PAX7: variants seen among roughly 807,000 people sequenced by gnomAD.
PAX7 encodes paired box 7.
PAX7 carries 18 observed loss-of-function variants against 50.7 expected under a neutral mutation model. The observed-to-expected ratio is 0.36, with a 90% CI of 0.25 to 0.53. The LOEUF (loss-of-function observed/expected upper bound fraction) is 0.53, where lower values mean the gene tolerates loss of function less well. PAX7 is among the 20% of genes least tolerant of loss of function. PAX7 has a pLI of 0.93. For synonymous variants in PAX7, 310 were observed against 290.4 expected (o/e 1.07, Z -0.69); for missense variants, 644 against 702.9 (o/e 0.92, Z 0.95).
chr1:18,688,269 C>T (rs918734541), intron 4 of PAX7, among the ~76,000 whole-genome samples: 2 of 152,112 alleles, frequency 1.3e-5, no homozygotes, highest in Admixed American at 6.5e-5. Context: ...AAACAAGGAA[C>T]GTTGTTAAAT....
chr1:18,634,970 G>A lies in PAX7; in HGVS notation c.322-141G>A, dbSNP rs539004358. On this transcript the variant is annotated intron_variant, in intron 2 of 8. Coordinates refer to ENST00000420770, the MANE Select transcript of PAX7 (RefSeq NM_001135254.2). This position sits in a 1 kb window ranked among gnomAD's most constrained non-coding sequence, Gnocchi z 4.0. ...GGAACCGGTTTCTTGAAAGGATAAAGCCAATCTCTTGGGGGATGGGGGGAC... is the reference window on the plus strand; with the variant it reads ...GGAACCGGTTTCTTGAAAGGATAAAACCAATCTCTTGGGGGATGGGGGGAC... 2 of 1,083,338 alleles carry A rather than the reference G, an allele frequency of 1.8e-6. No homozygotes were observed. Among genetic ancestry groups the A allele is most frequent in the Admixed American group, 2.8e-5 (1 of 35,416 alleles). 67.1% of individuals were successfully genotyped at this position (1,083,338 alleles called of 1,614,324 possible).
chr1:18,663,905 C>T (rs2088632737), intron 4 of PAX7, among the ~76,000 whole-genome samples: 1 of 152,254 alleles, frequency 6.6e-6, no homozygotes, highest in Admixed American at 6.5e-5. Context: ...CAGCCCATGC[C>T]AGATGGCTTC....
intron 7 of PAX7, among the ~76,000 whole-genome samples, chr1:18,714,972 T>TA (rs1468231552): frequency 2.6e-5 from 4 of 152,206 alleles, no homozygotes; most frequent in East Asian, 1.9e-4. Flanking sequence ...CAGGCAGACT[T>TA]AGAGTTTCTC....
intron 4 of PAX7, among the ~76,000 whole-genome samples, chr1:18,670,440 T>A (rs373777479): frequency 3.6e-4 from 55 of 152,178 alleles, no homozygotes; most frequent in African/African-American, 1.3e-3. Flanking sequence ...GTTCCCAAAG[T>A]CCTGAGTGCC....
At position 18,747,953 on chromosome 1, in the gene PAX7, A is replaced by G. The variant is rs1931516204; in HGVS notation, c.*3024A>G. ...TGGGTTCTTTCAATCTTGTTCCTTT[A>G]TTTTTTTCATTTGGTATTTCTCTCT... On this transcript the variant is annotated 3_prime_UTR_variant, in exon 9 of 9. Coordinates refer to ENST00000420770, the MANE Select transcript of PAX7 (RefSeq NM_001135254.2). 1 of 198,802 alleles carries G rather than the reference A, an allele frequency of 5.0e-6. No individual in the cohort carries two copies. The highest frequency in any genetic ancestry group is 2.3e-5 in the African/African-American group (1 of 43,258). 12.3% of individuals were successfully genotyped at this position (198,802 alleles called of 1,614,324 possible).
chr1:18,722,550 T>A (rs1252057482), intron 7 of PAX7, among the ~76,000 whole-genome samples: 2 of 152,028 alleles, frequency 1.3e-5, no homozygotes, highest in African/African-American at 4.8e-5. Flanking sequence ...CAAGAAGGTG[T>A]GGGACGCGGG....
chr1:18,691,805 T>C lies in PAX7; in HGVS notation c.638T>C (p.Leu213Pro). ...GTGGAGTCGGAACCTGACCTCCCAC[T>C]GAAGCGCAAGCAGCGACGCAGTCGG... ...SDVESEPDLP[L>P]KRKQRRSRTT... Residue 213 changes from leucine (L) to proline (P), a missense_variant, in exon 5 of 9, where the codon CTG becomes CCG. Leu to Pro is a moderately conservative substitution (Grantham distance 98). Coordinates refer to ENST00000420770, the MANE Select transcript of PAX7 (RefSeq NM_001135254.2). 3.1e-6 allele frequency: 5 copies of C among 1,609,214 alleles called. No individual in the cohort carries two copies. The highest frequency in any genetic ancestry group is 4.2e-6 in the Non-Finnish European group (5 of 1,178,066).
At chr1:18,698,522 G>T (rs1394476379) in intron 5 of PAX7, among the ~76,000 whole-genome samples, 1 of 152,178 alleles carries the variant, frequency 6.6e-6, no homozygotes, top group African/African-American at 2.4e-5. Flanking sequence ...TCATGTCCAG[G>T]TTATTGAATT....
chr1:18,645,479 A>T (rs1315814441), intron 4 of PAX7, among the ~76,000 whole-genome samples: 1 of 152,132 alleles, frequency 6.6e-6, no homozygotes, highest in Non-Finnish European at 1.5e-5. Flanking sequence ...ACCCTACAGA[A>T]CCTCACCCAA....
At chr1:18,730,532 C>T (rs570383740) in intron 7 of PAX7, among the ~76,000 whole-genome samples, 17 of 150,330 alleles carry the variant, frequency 1.1e-4, no homozygotes, top group Admixed American at 4.6e-4. Flanking sequence ...CACCCACCCA[C>T]CACAAACCCT....
chr1:18,684,570 G>C (rs2088947559), intron 4 of PAX7, among the ~76,000 whole-genome samples: 2 of 152,358 alleles, frequency 1.3e-5, no homozygotes, highest in Non-Finnish European at 2.9e-5. Context: ...GAGGGCCCTT[G>C]CCATGGTCCC....
chr1:18,706,499 T>C (rs1168052833), intron 7 of PAX7, among the ~76,000 whole-genome samples: 3 of 149,954 alleles, frequency 2.0e-5, no homozygotes, highest in African/African-American at 7.4e-5. Flanking sequence ...TCTAAGTCTG[T>C]TGCCCAGGCT....
chr1:18,725,310 C>CA (rs1444712540), intron 7 of PAX7, among the ~76,000 whole-genome samples: 1 of 45,278 alleles, frequency 2.2e-5, no homozygotes, highest in Non-Finnish European at 4.7e-5. Flanking sequence ...ACGCCCCCCC[C>CA]CCGCCCCACC....
In PAX7 at chr1:18,653,929, G is replaced by A. The variant is rs2088473703; in HGVS notation, c.586+17558G>A. On this transcript the variant is annotated intron_variant, in intron 4 of 8. Coordinates refer to ENST00000420770, the MANE Select transcript of PAX7 (RefSeq NM_001135254.2). ...ATGGGGCCTGGCAGACGTGTGTGCG[G>A]TCACATGCATGTCCCCATTCTCGTT... Among the ~76,000 whole-genome samples, 4 of 152,198 alleles carry A rather than the reference G, an allele frequency of 2.6e-5. No homozygotes were observed. In the South Asian group the frequency reaches 8.3e-4, roughly 32 times the overall value.
chr1:18,683,969 C>T (rs2088935972), intron 4 of PAX7, among the ~76,000 whole-genome samples: 1 of 152,154 alleles, frequency 6.6e-6, no homozygotes, highest in African/African-American at 2.4e-5. Context: ...GAGGGTTTCT[C>T]TGTTATTATC....
At chr1:18,706,454 CTCTCTCT>C (rs1353839203) in intron 7 of PAX7, among the ~76,000 whole-genome samples, 1 of 139,132 alleles carries the variant, frequency 7.2e-6, no homozygotes, top group Non-Finnish European at 1.5e-5. Context: ...TTTTCTCTCT[CTCTCTCT>C]TTTTTTTTTT....
Position 18,700,077 on chromosome 1 carries a change from C to CATGT in PAX7, c.787-576_787-575insATGT, listed in dbSNP as rs3222319. Among the ~76,000 whole-genome samples the CATGT allele has an allele frequency of 6.9e-6, 1 of 145,668 alleles. No individual in the cohort carries two copies. Among genetic ancestry groups the CATGT allele is most frequent in the South Asian group, 2.3e-4 (1 of 4,362 alleles). ...TTATCCCACTAATGTTTGATAAATC[C>CATGT]GTGTGTGTGTGTGTGTGTGTGTGTG... On this transcript the variant is annotated intron_variant, in intron 5 of 8. Transcript: ENST00000420770. The surrounding 1 kb of genome is among the most constrained non-coding windows in gnomAD (Gnocchi z 4.8).
In PAX7 at chr1:18,745,015, C is replaced by G. The variant is rs1461201767; in HGVS notation, c.*86C>G. ...TTCCCAGCCTTGCCGCCTCACCCCCCTGTTGTCCTAGGAGGCCAGGAAAGG... is the reference window on the plus strand; with the variant it reads ...TTCCCAGCCTTGCCGCCTCACCCCCGTGTTGTCCTAGGAGGCCAGGAAAGG... On this transcript the variant is annotated 3_prime_UTR_variant, in exon 9 of 9. Transcript: ENST00000420770. The G allele has an allele frequency of 1.3e-6, 1 of 782,032 alleles. No individual in the cohort carries two copies. The highest frequency in any genetic ancestry group is 2.1e-6 in the Non-Finnish European group (1 of 466,880). 48.4% of individuals were successfully genotyped at this position (782,032 alleles called of 1,614,324 possible).
intron 4 of PAX7, among the ~76,000 whole-genome samples, chr1:18,657,969 C>A (rs1240088229): frequency 3.3e-5 from 5 of 152,110 alleles, no homozygotes; most frequent in Non-Finnish European, 7.3e-5. Context: ...ATATACTGGG[C>A]CCTTTTGTCC....
Sources: gnomAD v4.1 joint callset for allele counts (sites outside exome capture counted in the v4.1 genomes callset) on GRCh38, gnomAD v4.1.1 for gene constraint, Gnocchi (gnomAD v3.1) non-coding constraint, MANE v1.5 for transcripts, NCBI Gene and HGNC (gene_info 2026-07-23, HGNC 2026-07-21) for gene names.